FADS1: variants seen among roughly 807,000 people sequenced by gnomAD.
The protein encoded by FADS1 is fatty acid desaturase 1.
In FADS1, 17 loss-of-function variants were observed where a neutral mutation model predicts 61.6. That is an observed-to-expected ratio of 0.28 (90% CI 0.19 to 0.41). The LOEUF is 0.41. Among genes scored for constraint, FADS1 ranks in the 10% least tolerant of loss-of-function variants. The probability of loss-of-function intolerance (pLI) is 1.00; values close to 1 mark genes in which losing one functional copy is unlikely to be tolerated. For missense variants in FADS1, 387 were observed against 650.9 expected, an observed-to-expected ratio of 0.59 and a Z score of 4.41; for synonymous variants, 238 against 258.7, an observed-to-expected ratio of 0.92 and a Z score of 0.77.
chr11:61,811,621 G>T (rs1361511764), intron 3 of FADS1, among the ~76,000 whole-genome samples: 4 of 129,532 alleles, frequency 3.1e-5, no homozygotes, highest in Non-Finnish European at 6.5e-5. Context: ...TGAGAGTGTC[G>T]CTCTGTTGCC....
At chr11:61,805,529 G>A (rs966574133) in intron 6 of FADS1, 2 of 152,172 alleles carry the variant, frequency 1.3e-5, no homozygotes, top group African/African-American at 4.8e-5. Flanking sequence ...CCATCTTGAT[G>A]TGCCATGGAT....
At chr11:61,804,875 T>G (rs1489231911) in intron 6 of FADS1, 114 bp from the exon 7 acceptor site, 1 of 851,608 alleles carries the variant, frequency 1.2e-6, no homozygotes, top group Non-Finnish European at 2.0e-6. Context: ...CAACCATCCC[T>G]TCTGTCTCCC....
At chr11:61,807,743 G>A (rs188516682) in intron 5 of FADS1, among the ~76,000 whole-genome samples, 42 of 152,254 alleles carry the variant, frequency 2.8e-4, no homozygotes, top group African/African-American at 9.2e-4. Context: ...GACTATGTCT[G>A]CATCGCACTC....
intron 5 of FADS1, among the ~76,000 whole-genome samples, chr11:61,808,437 G>A (rs1026285791): frequency 6.6e-6 from 1 of 152,180 alleles, no homozygotes; most frequent in Admixed American, 6.5e-5. Flanking sequence ...CTGGGCAATA[G>A]GCTGCTTGGT....
chr11:61,811,863 C>T (rs1429515958), intron 3 of FADS1: 7 of 445,866 alleles, frequency 1.6e-5, no homozygotes, highest in Middle Eastern at 6.9e-4. Flanking sequence ...ACTGGTATTA[C>T]AGGCGTGAGC....
chr11:61,811,908 G>T, intron 3 of FADS1: 1 of 428,382 alleles, frequency 2.3e-6, no homozygotes, highest in South Asian at 1.7e-5. Flanking sequence ...TTTAGTAGAG[G>T]TTTCACCACG....
In FADS1 at chr11:61,802,526, G is replaced by T; in HGVS notation, c.1455-64C>A. On this transcript the variant is annotated intron_variant, in intron 11 of 11. Coordinates refer to ENST00000350997, the MANE Select transcript of FADS1 (RefSeq NM_013402.7). This position sits in a 1 kb window ranked among gnomAD's most constrained non-coding sequence, Gnocchi z 4.2. Reference sequence around the variant, plus strand: ...AGCAGAGTTGAACCCACCGGAGATGGAGCAGTGAGGTTAAGGCCTTCTTCC... The same window carrying T: ...AGCAGAGTTGAACCCACCGGAGATGTAGCAGTGAGGTTAAGGCCTTCTTCC... The T allele has an allele frequency of 6.9e-7, 1 of 1,445,530 alleles. No homozygotes were observed. Among genetic ancestry groups the T allele is most frequent in the Non-Finnish European group, 9.5e-7 (1 of 1,051,162 alleles). The allele number at this position is 1,445,530 out of a possible 1,614,324, so 89.5% of individuals were successfully genotyped here. A position where few individuals can be genotyped will look rare whatever the true frequency, so the allele number is the denominator to read the frequency against.
At position 61,811,119 on chromosome 11, in the gene FADS1, G is replaced by T. The variant is rs372654826; in HGVS notation, c.685-44C>A. 68 of 1,492,256 alleles carry T rather than the reference G, an allele frequency of 4.6e-5. No homozygotes were observed. The South Asian group carries it at 6.5e-4, about 14-fold the overall frequency. 92.4% of individuals were successfully genotyped at this position (1,492,256 alleles called of 1,614,324 possible). A position where few individuals can be genotyped will look rare whatever the true frequency, so the allele number is the denominator to read the frequency against. On this transcript the variant is annotated intron_variant, in intron 3 of 11. Transcript: ENST00000350997. ...CACTGAGAGCAGCCCACCAGCCCCA[G>T]TGTCGCCTTCACTGACCTCGATGCC...
Position 61,803,874 on chromosome 11 carries a change from C to T in FADS1, c.1054-107G>A, listed in dbSNP as rs902907021. 1.2e-6 allele frequency: 1 copy of T among 824,732 alleles called. No individual in the cohort carries two copies. Among genetic ancestry groups the T allele is most frequent in the African/African-American group, 1.7e-5 (1 of 59,252 alleles). 51.1% of individuals were successfully genotyped at this position (824,732 alleles called of 1,614,324 possible). A position where few individuals can be genotyped will look rare whatever the true frequency, so the allele number is the denominator to read the frequency against. ...AGCCATTCTCCTGGTTATCCAGACTCACTCATCTTCAGCTTCTCAGGGGTC... is the reference window on the plus strand; with the variant it reads ...AGCCATTCTCCTGGTTATCCAGACTTACTCATCTTCAGCTTCTCAGGGGTC... On this transcript the variant is annotated intron_variant, in intron 7 of 11. Transcript: ENST00000350997. This position sits in a 1 kb window ranked among gnomAD's most constrained non-coding sequence, Gnocchi z 4.3.
intron 1 of FADS1, chr11:61,813,595 C>T (rs2066947463): frequency 7.9e-6 from 4 of 508,104 alleles, no homozygotes; most frequent in Non-Finnish European, 1.4e-5. Flanking sequence ...CCAATCAGCA[C>T]CCTGTAAAAT....
chr11:61,806,585 C>G, intron 6 of FADS1, 79 bp downstream of exon 6: 1 of 1,293,818 alleles, frequency 7.7e-7, no homozygotes, highest in Non-Finnish European at 1.1e-6. Flanking sequence ...TACCATAATC[C>G]CTTGGACAGC....
intron 5 of FADS1, 137 bp from the exon 6 acceptor site, chr11:61,806,861 C>T: frequency 2.6e-6 from 2 of 757,308 alleles, no homozygotes; most frequent in South Asian, 1.5e-5. Context: ...CTCCAAGAGG[C>T]CCAGCCTTAC....
rs174546 is a variant in FADS1 at position 61,802,358 on chromosome 11, C to T, written c.*53G>A. ...CATTGTCCCTCAAGCTCCCCTCTGC[C>T]TTGGCTCCAGAGTCTTCCTCCTCTT... On this transcript the variant is annotated 3_prime_UTR_variant, in exon 12 of 12. Coordinates refer to ENST00000350997, the MANE Select transcript of FADS1 (RefSeq NM_013402.7). This position sits in a 1 kb window ranked among gnomAD's most constrained non-coding sequence, Gnocchi z 4.2. The T allele has an allele frequency of 0.33, 495,736 of 1,490,570 alleles. 90,175 individuals carry two copies. The highest frequency in any genetic ancestry group is 0.59 in the Admixed American group (30,161 of 51,188). 92.3% of individuals were successfully genotyped at this position (1,490,570 alleles called of 1,614,324 possible).
intron 2 of FADS1, 145 bp from the exon 3 acceptor site, chr11:61,812,813 G>A: frequency 2.9e-6 from 2 of 690,148 alleles, no homozygotes; most frequent in Admixed American, 2.4e-5. Flanking sequence ...CGACAATGAG[G>A]ATGACAGGAG....
At chr11:61,805,325 G>A in intron 6 of FADS1, 1 of 153,732 alleles carries the variant, frequency 6.5e-6, no homozygotes. Flanking sequence ...AGGGAGATGG[G>A]CTTGTGCCAC....
chr11:61,816,115 A>G lies in FADS1; in HGVS notation c.375+440T>C. ...AGTGGAGACCGGCACCTAGGTCCAG[A>G]CGCGGCTGCGCTGCCTCTCCTAGCC... On this transcript the variant is annotated intron_variant, in intron 1 of 11. Transcript: ENST00000350997. This position sits in a 1 kb window ranked among gnomAD's most constrained non-coding sequence, Gnocchi z 7.0. The G allele has an allele frequency of 1.4e-6, 1 of 697,694 alleles. No homozygotes were observed. The highest frequency in any genetic ancestry group is 2.3e-6 in the Non-Finnish European group (1 of 426,856). The allele number at this position is 697,694 out of a possible 1,614,324, so 43.2% of individuals were successfully genotyped here.
rs2066860798 is a variant in FADS1, at chr11:61,802,302, C to G, written c.*109G>C. ...AGTCAGAGGCTTTATGTCCCCAAAC[C>G]CAACCCCCTCTGAGTATTAAACTAT... On this transcript the variant is annotated 3_prime_UTR_variant, in exon 12 of 12. Transcript: ENST00000350997. The surrounding 1 kb of genome is among the most constrained non-coding windows in gnomAD (Gnocchi z 4.2). 3.0e-6 allele frequency: 3 copies of G among 1,016,436 alleles called. No homozygotes were observed. In the Admixed American group the frequency reaches 6.0e-5, roughly 20 times the overall value. The allele number at this position is 1,016,436 out of a possible 1,614,324, so 63.0% of individuals were successfully genotyped here. A position where few individuals can be genotyped will look rare whatever the true frequency, so the allele number is the denominator to read the frequency against.
Position 61,802,580 on chromosome 11 carries a change from A to G in FADS1, c.1455-118T>C. ...TGGAGGTTTTCCTCCCCTCTACTTT[A>G]GAGAAAGCTAGCTTGGGCCATGGTA... On this transcript the variant is annotated intron_variant, in intron 11 of 11. Coordinates refer to ENST00000350997, the MANE Select transcript of FADS1 (RefSeq NM_013402.7). The surrounding 1 kb of genome is among the most constrained non-coding windows in gnomAD (Gnocchi z 4.2). 1 of 1,244,312 alleles carries G rather than the reference A, an allele frequency of 8.0e-7. No homozygotes were observed. Among genetic ancestry groups the G allele is most frequent in the Non-Finnish European group, 1.1e-6 (1 of 873,516 alleles). 77.1% of individuals were successfully genotyped at this position (1,244,312 alleles called of 1,614,324 possible).
At chr11:61,811,246 G>A (rs901043745) in intron 3 of FADS1, among the ~76,000 whole-genome samples, 171 bp from the exon 4 acceptor site, 1 of 152,158 alleles carries the variant, frequency 6.6e-6, no homozygotes, top group African/African-American at 2.4e-5. Context: ...TGACTCACAC[G>A]TGAGTTGGGG....
Sources: gnomAD v4.1 joint callset for allele counts (sites outside exome capture counted in the v4.1 genomes callset) on GRCh38, gnomAD v4.1.1 for gene constraint, Gnocchi (gnomAD v3.1) non-coding constraint, MANE v1.5 for transcripts, NCBI Gene and HGNC (gene_info 2026-07-23, HGNC 2026-07-21) for gene names.